The following VPS41 variants were observed in gnomAD, a reference collection of about 807,000 sequenced individuals.
The protein encoded by VPS41 is vacuolar protein sorting-associated protein 41 homolog.
In VPS41, 85 loss-of-function variants were observed where a neutral mutation model predicts 130.9. The observed-to-expected ratio is 0.65, with a 90% CI of 0.55 to 0.78. The LOEUF (loss-of-function observed/expected upper bound fraction) is 0.78, where lower values mean the gene tolerates loss of function less well. VPS41 is among the 30% of genes least tolerant of loss of function. VPS41 has a pLI of 0.00. For missense variants in VPS41, 874 were observed against 1,018.7 expected, an observed-to-expected ratio of 0.86 and a Z score of 1.93; for synonymous variants, 335 against 332.9, an observed-to-expected ratio of 1.01 and a Z score of -0.07.
At chr7:38,746,143 A>G (rs1795980558) in intron 22 of VPS41, 1 of 152,676 alleles carries the variant, frequency 6.5e-6, no homozygotes, top group African/African-American at 2.4e-5. Flanking sequence ...ACAGGGGCTG[A>G]AAGAGAACTC....
chr7:38,897,431 G>A (rs1392139346), intron 2 of VPS41, among the ~76,000 whole-genome samples: 1 of 151,758 alleles, frequency 6.6e-6, no homozygotes, highest in Non-Finnish European at 1.5e-5. Flanking sequence ...GGATCACAAG[G>A]TCAGGAGATC....
intron 1 of VPS41, among the ~76,000 whole-genome samples, chr7:38,906,268 T>C (rs995375149): frequency 6.6e-6 from 1 of 152,062 alleles, no homozygotes; most frequent in African/African-American, 2.4e-5. Context: ...ACTTACTTTC[T>C]TTTAAAAAAA....
intron 25 of VPS41, among the ~76,000 whole-genome samples, chr7:38,739,055 A>G (rs1214232740): frequency 1.3e-5 from 2 of 152,212 alleles, no homozygotes; most frequent in African/African-American, 4.8e-5. Flanking sequence ...CTAATGAATG[A>G]TCTCCCAAAG....
chr7:38,840,229 T>C (rs1356758275), intron 4 of VPS41, among the ~76,000 whole-genome samples: 1 of 152,284 alleles, frequency 6.6e-6, no homozygotes, highest in Admixed American at 6.5e-5. Flanking sequence ...TAAACACTGT[T>C]GAGTAAAAAA....
At chr7:38,781,046 T>C (rs1293039886) in intron 10 of VPS41, among the ~76,000 whole-genome samples, 2 of 152,174 alleles carry the variant, frequency 1.3e-5, no homozygotes, top group Non-Finnish European at 2.9e-5. Context: ...ATGCTTACTG[T>C]ATAGCCTGCA....
intron 3 of VPS41, among the ~76,000 whole-genome samples, chr7:38,864,893 C>T (rs1554296692): frequency 6.6e-6 from 1 of 151,990 alleles, no homozygotes; most frequent in Non-Finnish European, 1.5e-5. Context: ...GGGCATCATC[C>T]ACTAAGCACA....
intron 17 of VPS41, among the ~76,000 whole-genome samples, chr7:38,761,902 A>G (rs1783929233): frequency 6.6e-6 from 1 of 152,128 alleles, no homozygotes; most frequent in Non-Finnish European, 1.5e-5. Context: ...TCTTAAGACT[A>G]TATAAGATAA....
intron 18 of VPS41, among the ~76,000 whole-genome samples, chr7:38,758,128 C>T (rs1584378625): frequency 6.6e-6 from 1 of 152,086 alleles, no homozygotes; most frequent in Non-Finnish European, 1.5e-5. Flanking sequence ...AAGCGCTGTG[C>T]GTTAGGGGTT....
At chr7:38,759,319 GA>G (rs1381988936) in intron 17 of VPS41, among the ~76,000 whole-genome samples, 1 of 152,148 alleles carries the variant, frequency 6.6e-6, no homozygotes, top group Non-Finnish European at 1.5e-5. Context: ...GTGTGTAGCG[GA>G]AAAACCCAGA....
intron 7 of VPS41, among the ~76,000 whole-genome samples, chr7:38,804,257 T>G (rs1784793436): frequency 6.6e-6 from 1 of 152,142 alleles, no homozygotes; most frequent in Non-Finnish European, 1.5e-5. Context: ...CAGGGGTTTG[T>G]TGTACAGATT....
chr7:38,756,070 A>G (rs539901101), intron 19 of VPS41, among the ~76,000 whole-genome samples: 37 of 152,346 alleles, frequency 2.4e-4, no homozygotes, highest in African/African-American at 8.7e-4. Flanking sequence ...ATACAGTACA[A>G]TATAATTGAA....
At position 38,745,453 on chromosome 7, in the gene VPS41, C is replaced by T. The variant is rs2115659817; in HGVS notation, c.1981+106G>A. 3 of 840,662 alleles carry T rather than the reference C, an allele frequency of 3.6e-6. No individual in the cohort carries two copies. The South Asian group carries it at 4.3e-5, about 12-fold the overall frequency. The allele number at this position is 840,662 out of a possible 1,614,324, so 52.1% of individuals were successfully genotyped here. On this transcript the variant is annotated intron_variant, in intron 23 of 28. Transcript: ENST00000310301. ...ATTATTGTAAAAATAGGCTCATATT[C>T]TGTGTTACGTTGGTCTAAAACCTAT...
chr7:38,842,056 A>G (rs568595568), intron 4 of VPS41, among the ~76,000 whole-genome samples: 1 of 152,314 alleles, frequency 6.6e-6, no homozygotes, highest in East Asian at 1.9e-4. Flanking sequence ...CAAATTGTCA[A>G]TTCCAGAACC....
chr7:38,899,447 A>G (rs1387837693), intron 1 of VPS41, among the ~76,000 whole-genome samples: 1 of 152,226 alleles, frequency 6.6e-6, no homozygotes, highest in Non-Finnish European at 1.5e-5. Flanking sequence ...GACATGTATC[A>G]TGTTCCACCT....
intron 2 of VPS41, among the ~76,000 whole-genome samples, chr7:38,879,745 C>A (rs1786562942): frequency 6.6e-6 from 1 of 152,142 alleles, no homozygotes; most frequent in Non-Finnish European, 1.5e-5. Flanking sequence ...AATGCTGTGG[C>A]TGATCTAACA....
At chr7:38,740,084 A>G (rs906599650) in intron 25 of VPS41, among the ~76,000 whole-genome samples, 1 of 152,198 alleles carries the variant, frequency 6.6e-6, no homozygotes, top group African/African-American at 2.4e-5. Flanking sequence ...TCTTGCAGTC[A>G]TTGCGGAGGC....
intron 13 of VPS41, among the ~76,000 whole-genome samples, 179 bp from the exon 14 acceptor site, chr7:38,771,433 G>A (rs755136202): frequency 1.2e-4 from 18 of 152,104 alleles, no homozygotes; most frequent in Non-Finnish European, 2.5e-4. Flanking sequence ...TTGAAGCATT[G>A]GAATTGTTAA....
At chr7:38,897,660 A>G (rs1472694468) in intron 2 of VPS41, among the ~76,000 whole-genome samples, 1 of 151,882 alleles carries the variant, frequency 6.6e-6, no homozygotes, top group Admixed American at 6.6e-5. Flanking sequence ...AAAAAAAAAA[A>G]AAGAAGCAAA....
At chr7:38,835,466 C>T (rs1785473173) in intron 4 of VPS41, among the ~76,000 whole-genome samples, 1 of 151,736 alleles carries the variant, frequency 6.6e-6, no homozygotes, top group African/African-American at 2.4e-5. Context: ...AGAAAAGTAA[C>T]ATTTTGTTTC....
Sources: gnomAD v4.1 joint callset for allele counts (sites outside exome capture counted in the v4.1 genomes callset) on GRCh38, gnomAD v4.1.1 for gene constraint, MANE v1.5 for transcripts, NCBI Gene and HGNC (gene_info 2026-07-23, HGNC 2026-07-21) for gene names.